Variants in NOVA2 observed in about 807,000 individuals in gnomAD.
The protein encoded by NOVA2 is NOVA alternative splicing regulator 2, also known as RNA-binding protein Nova-2.
A neutral mutation model predicts 22.5 loss-of-function variants in NOVA2; 9 were observed. That is an observed-to-expected ratio of 0.40 (90% CI 0.24 to 0.70). The LOEUF is 0.70. NOVA2 is among the 30% of genes least tolerant of loss of function. NOVA2 has a pLI of 0.38. For missense variants in NOVA2, 383 were observed against 682.8 expected (o/e 0.56, Z 4.89); for synonymous variants, 318 against 335.2 (o/e 0.95, Z 0.56).
intron 1 of NOVA2, among the ~76,000 whole-genome samples, chr19:45,964,823 A>C (rs1968149203): frequency 6.6e-6 from 1 of 152,032 alleles, no homozygotes; most frequent in Non-Finnish European, 1.5e-5. Context: ...GGCCTCCAAA[A>C]GTGTTGGGAT....
At chr19:45,968,733 A>G (rs1968197520) in intron 1 of NOVA2, among the ~76,000 whole-genome samples, 1 of 152,150 alleles carries the variant, frequency 6.6e-6, no homozygotes, top group Non-Finnish European at 1.5e-5. Context: ...GTTTCAGACA[A>G]GCAGGCTGAG....
At chr19:45,949,247 A>T (rs1384609006) in intron 3 of NOVA2, among the ~76,000 whole-genome samples, 1 of 152,008 alleles carries the variant, frequency 6.6e-6, no homozygotes, top group African/African-American at 2.4e-5. Context: ...ACATACAACA[A>T]AACTACTAAA....
chr19:45,945,852 T>G (rs1454277506), intron 3 of NOVA2, among the ~76,000 whole-genome samples: 2 of 149,990 alleles, frequency 1.3e-5, no homozygotes, highest in Non-Finnish European at 3.0e-5. Flanking sequence ...TTTTTTTTTT[T>G]GAGACACAGT....
chr19:45,942,205 C>A lies in NOVA2; in HGVS notation c.397-1260G>T, dbSNP rs139697558. 3.0e-3 allele frequency among the ~76,000 whole-genome samples: 459 copies of A among 152,222 alleles called. 3 individuals carry two copies. Among genetic ancestry groups the A allele is most frequent in the African/African-American group, 0.011 (446 of 41,518 alleles). On this transcript the variant is annotated intron_variant, in intron 3 of 3. Transcript: ENST00000263257. ...AATTCATATGTTGAAGGCGTAACTTCCAGTACTTTAGAATTTGACTATATT... is the reference window on the plus strand; with the variant it reads ...AATTCATATGTTGAAGGCGTAACTTACAGTACTTTAGAATTTGACTATATT...
Position 45,939,597 on chromosome 19 carries a change from A to C in NOVA2, c.*266T>G. On this transcript the variant is annotated 3_prime_UTR_variant, in exon 4 of 4. Transcript: ENST00000263257. ...ATCACACAGACCTGGGCCCTGGGACAGGAAGGGTCAGGCCCAGCCAAGCAC... is the reference window on the plus strand; with the variant it reads ...ATCACACAGACCTGGGCCCTGGGACCGGAAGGGTCAGGCCCAGCCAAGCAC... The C allele has an allele frequency of 2.0e-6, 1 of 494,534 alleles. No homozygotes were observed. 30.6% of individuals were successfully genotyped at this position (494,534 alleles called of 1,614,324 possible).
In NOVA2 at chr19:45,939,857, C is replaced by T. The variant is rs983784912; in HGVS notation, c.*6G>A. 4 of 1,614,022 alleles carry T rather than the reference C, an allele frequency of 2.5e-6. No homozygotes were observed. Among genetic ancestry groups the T allele is most frequent in the Non-Finnish European group, 3.4e-6 (4 of 1,179,938 alleles). ...GAGAAAAGGGTGGGAGCACACACCACAGGCCTCATCCCACTTTCTGGGGGT... is the reference window on the plus strand; with the variant it reads ...GAGAAAAGGGTGGGAGCACACACCATAGGCCTCATCCCACTTTCTGGGGGT... On this transcript the variant is annotated 3_prime_UTR_variant, in exon 4 of 4. Transcript: ENST00000263257.
intron 3 of NOVA2, among the ~76,000 whole-genome samples, chr19:45,943,612 G>A (rs965221104): frequency 1.3e-5 from 2 of 151,700 alleles, no homozygotes; most frequent in African/African-American, 4.8e-5. Flanking sequence ...CAGCTACTCA[G>A]GAGGCTAAGG....
intron 2 of NOVA2, among the ~76,000 whole-genome samples, chr19:45,956,702 C>T (rs986498367): frequency 5.3e-5 from 8 of 152,198 alleles, no homozygotes; most frequent in Admixed American, 3.3e-4. Flanking sequence ...GTGATCCACC[C>T]GCCTTGGTCT....
intron 3 of NOVA2, among the ~76,000 whole-genome samples, chr19:45,949,336 A>C (rs1265670796): frequency 6.6e-5 from 10 of 152,116 alleles, no homozygotes; most frequent in African/African-American, 2.4e-4. Context: ...AAAAAAAAAA[A>C]AAAACACCAG....
At chr19:45,963,032 G>A (rs750089600) in intron 1 of NOVA2, among the ~76,000 whole-genome samples, 8 of 152,044 alleles carry the variant, frequency 5.3e-5, no homozygotes, top group Non-Finnish European at 1.2e-4. Context: ...CCTGCCCGTT[G>A]CCCCTACGTG....
rs1486059950 is a variant in NOVA2 at position 45,940,397 on chromosome 19, C to T, written c.945G>A (p.Gly315=). The T allele has an allele frequency of 3.4e-6, 5 of 1,450,276 alleles. No individual in the cohort carries two copies. The highest frequency in any genetic ancestry group is 4.6e-6 in the Non-Finnish European group (5 of 1,095,830). 89.8% of individuals were successfully genotyped at this position (1,450,276 alleles called of 1,614,324 possible). A position where few individuals can be genotyped will look rare whatever the true frequency, so the allele number is the denominator to read the frequency against. ...ASGVLAAVAA[G]ANPAAAAAAN... is the part of the protein sequence containing the mutation. Reference sequence around the variant, plus strand: ...CGGCGGCGGCGGCTGCTGGGTTGGCCCCGGCGGCCACGGCGGCCAGGACGC... The same window carrying T: ...CGGCGGCGGCGGCTGCTGGGTTGGCTCCGGCGGCCACGGCGGCCAGGACGC... The change falls in exon 4 of 4, where the codon GGG becomes GGA. Residue 315 remains glycine, a synonymous_variant. Coordinates refer to ENST00000263257, the MANE Select transcript of NOVA2 (RefSeq NM_002516.4).
chr19:45,958,223 T>C (rs1458815818), intron 2 of NOVA2, among the ~76,000 whole-genome samples: 4 of 152,030 alleles, frequency 2.6e-5, no homozygotes, highest in Non-Finnish European at 4.4e-5. Flanking sequence ...AGTTGCTCCA[T>C]GTATGACCTG....
chr19:45,943,567 A>G (rs1967793379), intron 3 of NOVA2, among the ~76,000 whole-genome samples: 1 of 151,642 alleles, frequency 6.6e-6, no homozygotes, highest in Admixed American at 6.6e-5. Flanking sequence ...AAAATTAAAA[A>G]CATTAGCTGG....
At chr19:45,971,660 T>TG (rs1968233653) in intron 1 of NOVA2, among the ~76,000 whole-genome samples, 1 of 152,092 alleles carries the variant, frequency 6.6e-6, no homozygotes, top group Non-Finnish European at 1.5e-5. Flanking sequence ...CCCCACCCAC[T>TG]GCCAGGCCTG....
intron 3 of NOVA2, among the ~76,000 whole-genome samples, chr19:45,947,267 C>T (rs1041858279): frequency 6.6e-6 from 1 of 151,818 alleles, no homozygotes; most frequent in Non-Finnish European, 1.5e-5. Flanking sequence ...AAAGGGTGAG[C>T]GAATAAATAG....
At chr19:45,972,772 AG>A (rs1479620289) in intron 1 of NOVA2, among the ~76,000 whole-genome samples, 1 of 151,914 alleles carries the variant, frequency 6.6e-6, no homozygotes, top group Non-Finnish European at 1.5e-5. Context: ...ACACCTACCC[AG>A]CCTGTCCCCA....
chr19:45,959,392 A>T (rs1202508752), intron 2 of NOVA2, among the ~76,000 whole-genome samples: 1 of 152,114 alleles, frequency 6.6e-6, no homozygotes, highest in Non-Finnish European at 1.5e-5. Context: ...ACCTGGTAGG[A>T]CCAATGTCTG....
chr19:45,952,512 C>T (rs1839504065), intron 3 of NOVA2, among the ~76,000 whole-genome samples: 3 of 152,176 alleles, frequency 2.0e-5, no homozygotes, highest in Admixed American at 2.0e-4. Flanking sequence ...TCTCAGAGCT[C>T]CTGTGGATTA....
At position 45,961,065 on chromosome 19, in the gene NOVA2, C is replaced by A; in HGVS notation, c.174G>T (p.Leu58=). The A allele has an allele frequency of 1.3e-6, 2 of 1,582,366 alleles. No individual in the cohort carries two copies. Among genetic ancestry groups the A allele is most frequent in the East Asian group, 2.3e-5 (1 of 43,554 alleles). ...TGATGGTGGCTCCGGTCTCCTTCTG[C>A]AGCTGCACGATGGTCTGCCCGCCCT... ...IGKGGQTIVQ[L]QKETGATIKL... Residue 58 remains leucine, a synonymous_variant, in exon 2 of 4, where the codon CTG becomes CTT. Coordinates refer to ENST00000263257, the MANE Select transcript of NOVA2 (RefSeq NM_002516.4).
Sources: allele counts gnomAD v4.1 joint callset (sites outside exome capture counted in the v4.1 genomes callset), GRCh38; gene constraint gnomAD v4.1.1; transcripts MANE v1.5; gene names NCBI Gene and HGNC (gene_info 2026-07-23, HGNC 2026-07-21).